The following ERCC6L2 variants were observed in gnomAD, a reference collection of about 807,000 sequenced individuals.
The protein encoded by ERCC6L2 is ERCC excision repair 6 like 2.
In ERCC6L2, 77 loss-of-function variants were observed where a neutral mutation model predicts 132.0. The ratio of observed to expected loss-of-function variants is 0.58; its 90% confidence interval spans 0.49 to 0.71. ERCC6L2 has a LOEUF of 0.71. ERCC6L2 is among the 30% of genes least tolerant of loss of function. ERCC6L2 has a pLI of 0.00. For missense variants in ERCC6L2, 1,542 were observed against 1,837.6 expected (o/e 0.84, Z 2.94); for synonymous variants, 583 against 632.4 (o/e 0.92, Z 1.17).
intron 4 of ERCC6L2, 122 bp from the exon 5 acceptor site, chr9:95,915,546 A>G: frequency 9.9e-7 from 1 of 1,008,660 alleles, no homozygotes; most frequent in Non-Finnish European, 1.4e-6. Context: ...CAATGGAGTC[A>G]TCAAAGAGTA....
At chr9:95,965,993 A>T (rs1165757604) in intron 13 of ERCC6L2, among the ~76,000 whole-genome samples, 1 of 152,222 alleles carries the variant, frequency 6.6e-6, no homozygotes, top group Admixed American at 6.5e-5. Context: ...ATTAATGTTG[A>T]TACTGAAATG....
intron 17 of ERCC6L2, among the ~76,000 whole-genome samples, chr9:95,985,680 G>C (rs1338860971): frequency 2.0e-5 from 3 of 152,180 alleles, no homozygotes; most frequent in African/African-American, 7.2e-5. Context: ...TTCCAAAGCT[G>C]TCAAGTGTCT....
chr9:95,954,784 G>A lies in ERCC6L2; in HGVS notation c.1848-1130G>A, dbSNP rs544876371. Reference sequence around the variant, plus strand: ...GCTGAGCCCCTCTCCTCTGCTCCTGGGTTGCAGAATGGAAGTGAGAATGCA... The same window carrying A: ...GCTGAGCCCCTCTCCTCTGCTCCTGAGTTGCAGAATGGAAGTGAGAATGCA... On this transcript the variant is annotated intron_variant, in intron 12 of 18. Coordinates refer to ENST00000653738, the MANE Select transcript of ERCC6L2 (RefSeq NM_020207.7). The A allele has an allele frequency of 2.0e-4, 95 of 471,126 alleles. 1 individual carries two copies. The highest frequency in any genetic ancestry group is 1.7e-3 in the African/African-American group (87 of 50,190). The allele number at this position is 471,126 out of a possible 1,614,324, so 29.2% of individuals were successfully genotyped here. A position where few individuals can be genotyped will look rare whatever the true frequency, so the allele number is the denominator to read the frequency against.
chr9:95,983,435 C>T (rs1026061962), intron 17 of ERCC6L2, among the ~76,000 whole-genome samples: 1 of 152,138 alleles, frequency 6.6e-6, no homozygotes, highest in Non-Finnish European at 1.5e-5. Context: ...TGAGAATAGT[C>T]ACAAGATCTA....
chr9:95,990,032 AG>A (rs1478816091), intron 17 of ERCC6L2, among the ~76,000 whole-genome samples: 1 of 152,204 alleles, frequency 6.6e-6, no homozygotes, highest in African/African-American at 2.4e-5. Flanking sequence ...TAAGGCACAT[AG>A]GGGGTTAAGA....
chr9:95,999,039 G>A (rs993743356), intron 17 of ERCC6L2, among the ~76,000 whole-genome samples: 1 of 152,152 alleles, frequency 6.6e-6, no homozygotes, highest in African/African-American at 2.4e-5. Context: ...AAAAATAAAA[G>A]ATAGCTATTG....
In ERCC6L2 at chr9:96,014,464, G is replaced by C. The variant is rs1359272591; in HGVS notation, c.*1261G>C. On this transcript the variant is annotated 3_prime_UTR_variant, in exon 19 of 19. Transcript: ENST00000653738. ...GATCGGCCAAGTATGCTTTTCTTTA[G>C]AGCAATGTTTTGCCCTAGAGAATTG... 6.6e-6 allele frequency: 1 copy of C among 152,148 alleles called. No homozygotes were observed. The highest frequency in any genetic ancestry group is 1.5e-5 in the Non-Finnish European group (1 of 68,028). The allele number at this position is 152,148 out of a possible 1,614,324, so 9.4% of individuals were successfully genotyped here.
chr9:95,929,485 A>G (rs1364547869), intron 11 of ERCC6L2, among the ~76,000 whole-genome samples: 1 of 152,254 alleles, frequency 6.6e-6, no homozygotes, highest in East Asian at 1.9e-4. Flanking sequence ...ATCCTGTGTA[A>G]TAAGAATTTT....
At chr9:95,908,245 TTTGA>T (rs1829176653) in intron 4 of ERCC6L2, among the ~76,000 whole-genome samples, 3 of 152,146 alleles carry the variant, frequency 2.0e-5, no homozygotes, top group Admixed American at 6.6e-5. Flanking sequence ...GACAGGTCTC[TTTGA>T]TTAAGTTTTA....
intron 6 of ERCC6L2, among the ~76,000 whole-genome samples, chr9:95,920,662 T>C (rs966525073): frequency 2.0e-5 from 3 of 152,192 alleles, no homozygotes; most frequent in Non-Finnish European, 4.4e-5. Flanking sequence ...GAGGTTTATT[T>C]GAAAGTGAAA....
chr9:96,037,106 C>T (rs563071109), intron 19 of ERCC6L2, among the ~76,000 whole-genome samples: 4 of 152,156 alleles, frequency 2.6e-5, no homozygotes, highest in African/African-American at 9.7e-5. Flanking sequence ...TATAAAGTTA[C>T]CCTGCCAAAT....
At chr9:95,898,195 G>A (rs1011702815) in intron 3 of ERCC6L2, among the ~76,000 whole-genome samples, 3 of 152,018 alleles carry the variant, frequency 2.0e-5, no homozygotes, top group Non-Finnish European at 4.4e-5. Context: ...CAGAATTTCA[G>A]CTTGGTTTTG....
intron 13 of ERCC6L2, among the ~76,000 whole-genome samples, chr9:95,964,252 A>G (rs764288005): frequency 2.6e-5 from 4 of 152,172 alleles, no homozygotes; most frequent in Admixed American, 2.0e-4. Flanking sequence ...AATAGATTAC[A>G]ACACATTGAA....
Position 96,012,765 on chromosome 9 carries a change from C to T in ERCC6L2, c.4215C>T (p.Asp1405=), listed in dbSNP as rs776668375. 4 of 1,367,408 alleles carry T rather than the reference C, an allele frequency of 2.9e-6. No homozygotes were observed. The African/African-American group carries it at 5.9e-5, about 20-fold the overall frequency. 84.7% of individuals were successfully genotyped at this position (1,367,408 alleles called of 1,614,324 possible). ...AAAATACCATGAAAGACCAACAGGA[C>T]CTCACAAGAACGGGCATTTCAAGAA... ...RLENTMKDQQ[D]LTRTGISRKE... is the part of the protein sequence containing the mutation. The change falls in exon 19 of 19, where the codon GAC becomes GAT. Residue 1405 remains aspartate (D), a synonymous_variant. Transcript: ENST00000653738.
At chr9:95,966,160 T>G (rs1832144090) in intron 13 of ERCC6L2, among the ~76,000 whole-genome samples, 1 of 152,176 alleles carries the variant, frequency 6.6e-6, no homozygotes, top group Non-Finnish European at 1.5e-5. Flanking sequence ...TATCATTACT[T>G]TAGATTGTAA....
chr9:95,982,166 A>G (rs1312553621), intron 17 of ERCC6L2, among the ~76,000 whole-genome samples: 1 of 152,112 alleles, frequency 6.6e-6, no homozygotes, highest in African/African-American at 2.4e-5. Context: ...ATGTTATTGC[A>G]GTGTGGTGTA....
chr9:95,994,715 G>A (rs1833415768), intron 17 of ERCC6L2, among the ~76,000 whole-genome samples: 2 of 152,110 alleles, frequency 1.3e-5, no homozygotes, highest in Non-Finnish European at 2.9e-5. Context: ...CCAGGAATTC[G>A]CCCAAAGAGA....
At chr9:95,935,887 G>A (rs1440870475) in intron 11 of ERCC6L2, among the ~76,000 whole-genome samples, 2 of 152,100 alleles carry the variant, frequency 1.3e-5, no homozygotes, top group African/African-American at 2.4e-5. Flanking sequence ...TTAAGTTAAC[G>A]ATTTGGGGTA....
At position 95,928,105 on chromosome 9, in the gene ERCC6L2, C is replaced by T; in HGVS notation, c.1560C>T (p.Cys520=). Reference sequence around the variant, plus strand: ...TCCTTCAGCAGCTTTTAAATCATTGCAGGAAAAACAGAGATAAAGTTCTTC... The same window carrying T: ...TCCTTCAGCAGCTTTTAAATCATTGTAGGAAAAACAGAGATAAAGTTCTTC... ...MKVLQQLLNH[C]RKNRDKVLLF... The change falls in exon 10 of 19, where the codon TGC becomes TGT. Residue 520 remains cysteine, a synonymous_variant. Transcript: ENST00000653738. 1 of 1,612,804 alleles carries T rather than the reference C, an allele frequency of 6.2e-7. No homozygotes were observed. Among genetic ancestry groups the T allele is most frequent in the Non-Finnish European group, 8.5e-7 (1 of 1,179,194 alleles).
Sources: gnomAD v4.1 joint callset for allele counts (sites outside exome capture counted in the v4.1 genomes callset) on GRCh38, gnomAD v4.1.1 for gene constraint, MANE v1.5 for transcripts, NCBI Gene and HGNC (gene_info 2026-07-23, HGNC 2026-07-21) for gene names.